The following GRXCR2 variants were observed in gnomAD, a reference collection of about 807,000 sequenced individuals.
The protein encoded by GRXCR2 is glutaredoxin domain-containing cysteine-rich protein 2.
A neutral mutation model predicts 24.8 loss-of-function variants in GRXCR2; 23 were observed. That is an observed-to-expected ratio of 0.93 (90% confidence interval 0.67 to 1.32). GRXCR2 has a LOEUF of 1.32. Ranked by LOEUF, GRXCR2 falls within the 40% of genes most tolerant of loss-of-function variation. GRXCR2 has a pLI of 0.00. For missense variants in GRXCR2, 315 were observed against 303.4 expected (o/e 1.04, Z -0.28); for synonymous variants, 130 against 116.1 (o/e 1.12, Z -0.77).
chr5:145,909,848 T>C (rs1224915499), intron 2 of GRXCR2, among the ~76,000 whole-genome samples: 1 of 152,152 alleles, frequency 6.6e-6, no homozygotes, highest in Non-Finnish European at 1.5e-5. Flanking sequence ...TTGGGATAAA[T>C]ATTGCTGATC....
At chr5:145,870,173 A>G (rs987441461) in intron 1 of GRXCR2, among the ~76,000 whole-genome samples, 2 of 152,166 alleles carry the variant, frequency 1.3e-5, no homozygotes, top group African/African-American at 4.8e-5. Context: ...ACCACCATTC[A>G]TCTCCAGAAC....
At chr5:145,899,523 A>G (rs1229903789) in intron 2 of GRXCR2, among the ~76,000 whole-genome samples, 2 of 152,222 alleles carry the variant, frequency 1.3e-5, no homozygotes, top group Non-Finnish European at 2.9e-5. Context: ...ATAAGGCTGC[A>G]GTAACCAAAA....
At chr5:145,884,991 C>T (rs1190734788) in intron 2 of GRXCR2, among the ~76,000 whole-genome samples, 1 of 152,032 alleles carries the variant, frequency 6.6e-6, no homozygotes, top group Non-Finnish European at 1.5e-5. Flanking sequence ...GAACATTATC[C>T]TTTAGCGATC....
At chr5:145,908,226 A>T (rs1581350885) in intron 2 of GRXCR2, among the ~76,000 whole-genome samples, 1 of 152,218 alleles carries the variant, frequency 6.6e-6, no homozygotes, top group East Asian at 1.9e-4. Flanking sequence ...GACTATTTTT[A>T]AAAAACAGTT....
At chr5:145,926,368 G>A (rs1261042843) in intron 2 of GRXCR2, among the ~76,000 whole-genome samples, 1 of 152,064 alleles carries the variant, frequency 6.6e-6, no homozygotes, top group African/African-American at 2.4e-5. Context: ...TTTTAAAAAT[G>A]TATTACACTT....
intron 1 of GRXCR2, among the ~76,000 whole-genome samples, chr5:145,869,396 ATTT>A (rs1756489402): frequency 6.6e-6 from 1 of 152,102 alleles, no homozygotes; most frequent in Admixed American, 6.6e-5. Flanking sequence ...TGCTTAAAAT[ATTT>A]TTATTATTTA....
At chr5:145,903,607 C>T (rs555312850) in intron 2 of GRXCR2, among the ~76,000 whole-genome samples, 92 of 152,122 alleles carry the variant, frequency 6.0e-4, no homozygotes, top group African/African-American at 2.2e-3. Flanking sequence ...CTAGCCATCT[C>T]TGGGCCTCTG....
chr5:145,906,513 T>G (rs540663454), intron 2 of GRXCR2, among the ~76,000 whole-genome samples: 1 of 152,312 alleles, frequency 6.6e-6, no homozygotes, highest in African/African-American at 2.4e-5. Context: ...TGGCTTCATT[T>G]GAGTTCCTGG....
intron 2 of GRXCR2, among the ~76,000 whole-genome samples, chr5:145,889,145 G>A (rs1246380140): frequency 4.9e-5 from 7 of 141,702 alleles, no homozygotes; most frequent in African/African-American, 1.9e-4. Flanking sequence ...GCTTGAGCTG[G>A]GTGACAGACC....
At chr5:145,871,068 T>A (rs1756523035) in intron 1 of GRXCR2, among the ~76,000 whole-genome samples, 1 of 151,824 alleles carries the variant, frequency 6.6e-6, no homozygotes, top group Non-Finnish European at 1.5e-5. Context: ...AGACCCTGTC[T>A]CTAAAAAAGA....
rs185462185 is a variant in GRXCR2, at chr5:145,898,452, C to A, written c.-69-31724G>T. On this transcript the variant is annotated intron_variant, in intron 2 of 3. Transcript: ENST00000639411. Reference sequence around the variant, plus strand: ...TCCCTAATGCATTCTACAAAGCCAGCATCACCCTGATACAAAAACCTGACA... The same window carrying A: ...TCCCTAATGCATTCTACAAAGCCAGAATCACCCTGATACAAAAACCTGACA... Among the ~76,000 whole-genome samples, 491 of 152,082 alleles carry A rather than the reference C, an allele frequency of 3.2e-3. 1 individual carries two copies. Among genetic ancestry groups the A allele is most frequent in the Non-Finnish European group, 4.6e-3 (315 of 67,932 alleles).
chr5:145,897,828 A>C (rs1179542662), intron 2 of GRXCR2, among the ~76,000 whole-genome samples: 1 of 152,150 alleles, frequency 6.6e-6, no homozygotes, highest in East Asian at 1.9e-4. Flanking sequence ...CAGTGTTAAG[A>C]AGAAAGTTTA....
chr5:145,861,123 C>T (rs1756330025), intron 2 of GRXCR2, among the ~76,000 whole-genome samples: 1 of 152,032 alleles, frequency 6.6e-6, no homozygotes, highest in African/African-American at 2.4e-5. Context: ...ATCCTGCTTT[C>T]TTCATCCCAC....
chr5:145,864,980 G>A (rs994735787), intron 2 of GRXCR2, among the ~76,000 whole-genome samples: 4 of 152,140 alleles, frequency 2.6e-5, no homozygotes, highest in African/African-American at 9.7e-5. Context: ...GAAAGGAAGA[G>A]AGAAAAAAGT....
chr5:145,872,098 C>A (rs1756540539), intron 1 of GRXCR2, among the ~76,000 whole-genome samples: 1 of 152,186 alleles, frequency 6.6e-6, no homozygotes, highest in Non-Finnish European at 1.5e-5. Flanking sequence ...TTTCACCATC[C>A]CTTCCCAGGA....
intron 1 of GRXCR2, among the ~76,000 whole-genome samples, chr5:145,867,910 A>G (rs1241026056): frequency 1.3e-5 from 2 of 152,034 alleles, no homozygotes; most frequent in Non-Finnish European, 2.9e-5. Flanking sequence ...GTGCCCTCCA[A>G]TTACCCCAGC....
At chr5:145,883,519 T>C (rs1756734114) in intron 2 of GRXCR2, among the ~76,000 whole-genome samples, 1 of 152,186 alleles carries the variant, frequency 6.6e-6, no homozygotes, top group African/African-American at 2.4e-5. Flanking sequence ...AAGAAATGAC[T>C]TTAACTTAAG....
At chr5:145,906,027 T>C (rs1187003238) in intron 2 of GRXCR2, among the ~76,000 whole-genome samples, 5 of 152,176 alleles carry the variant, frequency 3.3e-5, no homozygotes, top group African/African-American at 7.2e-5. Flanking sequence ...TCGGGAGCCA[T>C]TGAGGATTCT....
At chr5:145,915,801 A>G (rs1414042197) in intron 2 of GRXCR2, among the ~76,000 whole-genome samples, 1 of 151,870 alleles carries the variant, frequency 6.6e-6, no homozygotes, top group Non-Finnish European at 1.5e-5. Context: ...GTGTCTTTGG[A>G]CATTTCCTTG....
Sources: allele counts gnomAD v4.1 joint callset (sites outside exome capture counted in the v4.1 genomes callset), GRCh38; gene constraint gnomAD v4.1.1; transcripts MANE v1.5; gene names NCBI Gene and HGNC (gene_info 2026-07-23, HGNC 2026-07-21).